Variants in ITGB3 observed in about 807,000 individuals in gnomAD.
ITGB3 encodes integrin beta-3.
A neutral mutation model predicts 85.8 loss-of-function variants in ITGB3; 48 were observed. The ratio of observed to expected loss-of-function variants is 0.56; its 90% CI spans 0.44 to 0.71. The LOEUF (loss-of-function observed/expected upper bound fraction) is 0.71. Ranked by LOEUF, ITGB3 falls within the 30% of genes least tolerant of loss-of-function variation. The pLI is 0.00. For synonymous variants in ITGB3, 363 were observed against 395.6 expected (o/e 0.92, Z 0.98); for missense variants, 861 against 1,019.1 (o/e 0.84, Z 2.11).
chr17:47,312,973 T>TGG lies in ITGB3; in HGVS notation c.*2770_*2771insGG, dbSNP rs2065221512. Among the ~76,000 whole-genome samples the TGG allele has an allele frequency of 6.6e-6, 1 of 152,134 alleles. No individual in the cohort carries two copies. Among genetic ancestry groups the TGG allele is most frequent in the Non-Finnish European group, 1.5e-5 (1 of 68,032 alleles). ...TTCTCTGAGATTCCCAGGTCATCCA[T>TGG]GATTTTTTTTTTAATTTGAGACAAA... On this transcript the variant is annotated 3_prime_UTR_variant, in exon 15 of 15. Coordinates refer to ENST00000559488, the MANE Select transcript of ITGB3 (RefSeq NM_000212.3).
In ITGB3 at chr17:47,310,317, G is replaced by A; in HGVS notation, c.*113G>A. ...GGGGAGGGATTTGGGGCTCAGAGTG[G>A]GGTAGGTTGGGAGAATGTCAGTATG... On this transcript the variant is annotated 3_prime_UTR_variant, in exon 15 of 15. Coordinates refer to ENST00000559488, the MANE Select transcript of ITGB3 (RefSeq NM_000212.3). The A allele has an allele frequency of 2.0e-6, 2 of 988,042 alleles. No individual in the cohort carries two copies. The highest frequency in any genetic ancestry group is 3.8e-5 in the Admixed American group (2 of 52,474). 61.2% of individuals were successfully genotyped at this position (988,042 alleles called of 1,614,324 possible). A position where few individuals can be genotyped will look rare whatever the true frequency, so the allele number is the denominator to read the frequency against.
chr17:47,298,612 T>C (rs2065154670), intron 10 of ITGB3, among the ~76,000 whole-genome samples: 1 of 152,222 alleles, frequency 6.6e-6, no homozygotes, highest in South Asian at 2.1e-4. Flanking sequence ...CTCAGAGCCC[T>C]GCTTCTCATC....
chr17:47,282,668 C>G, intron 2 of ITGB3, among the ~76,000 whole-genome samples: 1 of 152,138 alleles, frequency 6.6e-6, no homozygotes, highest in East Asian at 1.9e-4. Context: ...TGAGAGGGGC[C>G]AAGACACACA....
chr17:47,309,673 C>T (rs1276649535), intron 14 of ITGB3, among the ~76,000 whole-genome samples: 1 of 151,768 alleles, frequency 6.6e-6, no homozygotes, highest in East Asian at 1.9e-4. Flanking sequence ...GCAGGTGGAT[C>T]GCTTGAGCTC....
rs1041074589 is a variant in ITGB3 at position 47,261,954 on chromosome 17, A to C, written c.79+8014A>C. 4.6e-5 allele frequency among the ~76,000 whole-genome samples: 7 copies of C among 152,362 alleles called. No individual in the cohort carries two copies. In the East Asian group the frequency reaches 1.3e-3, roughly 29 times the overall value. On this transcript the variant is annotated intron_variant, in intron 1 of 14. Transcript: ENST00000559488. ...TGGATATATCAGAATTTACTTAACC[A>C]ATTCCCTGTTGGCAGACATTGGGAT...
intron 12 of ITGB3, among the ~76,000 whole-genome samples, chr17:47,302,310 G>A (rs1044809508): frequency 1.3e-5 from 2 of 152,044 alleles, no homozygotes; most frequent in Non-Finnish European, 2.9e-5. Context: ...TATATGTTAG[G>A]CACTGTTCAC....
chr17:47,271,234 A>AT (rs2065043286), intron 1 of ITGB3, among the ~76,000 whole-genome samples: 1 of 152,182 alleles, frequency 6.6e-6, no homozygotes, highest in South Asian at 2.1e-4. Context: ...CTCGATTAGG[A>AT]TGACAGTCTA....
At chr17:47,296,260 C>T (rs78489418) in intron 10 of ITGB3, among the ~76,000 whole-genome samples, 10,208 of 152,214 alleles carry the variant, frequency 0.067, 718 homozygotes, top group East Asian at 0.18. Context: ...GGGAAGCAGA[C>T]ATTTCTTTCC....
intron 1 of ITGB3, among the ~76,000 whole-genome samples, chr17:47,262,360 T>C (rs1455449093): frequency 6.6e-6 from 1 of 152,184 alleles, no homozygotes; most frequent in Non-Finnish European, 1.5e-5. Flanking sequence ...TTCTTCTGTA[T>C]ACTGAATGAG....
intron 13 of ITGB3, among the ~76,000 whole-genome samples, chr17:47,306,868 T>G (rs1434191812): frequency 6.6e-6 from 1 of 151,874 alleles, no homozygotes. Context: ...TTAGTAGAGA[T>G]GGGGTTTCAC....
chr17:47,258,386 G>A (rs2064997656), intron 1 of ITGB3, among the ~76,000 whole-genome samples: 1 of 152,022 alleles, frequency 6.6e-6, no homozygotes, highest in East Asian at 1.9e-4. Flanking sequence ...GCAAAAAAGT[G>A]ATAGCATCTG....
intron 11 of ITGB3, 138 bp from the exon 12 acceptor site, chr17:47,300,340 C>CGTGTGTGTGT (rs781123948): frequency 0.034 from 16,753 of 499,410 alleles, 152 homozygotes; most frequent in Middle Eastern, 0.073. Context: ...TACAGGCGCG[C>CGTGTGTGTGT]GCGCGCGTGT....
intron 1 of ITGB3, among the ~76,000 whole-genome samples, chr17:47,254,254 G>T (rs755334918): frequency 6.6e-6 from 1 of 152,066 alleles, no homozygotes; most frequent in Non-Finnish European, 1.5e-5. Context: ...GCGCTCACCC[G>T]GGGCTGCGCG....
At chr17:47,255,643 A>T (rs1216843294) in intron 1 of ITGB3, among the ~76,000 whole-genome samples, 1 of 151,044 alleles carries the variant, frequency 6.6e-6, no homozygotes, top group Admixed American at 6.6e-5. Flanking sequence ...GATGATCTCG[A>T]TCTCTTGACC....
chr17:47,254,533 A>G (rs1409584671), intron 1 of ITGB3, among the ~76,000 whole-genome samples: 1 of 152,062 alleles, frequency 6.6e-6, no homozygotes, highest in Non-Finnish European at 1.5e-5. Flanking sequence ...GTTTTGGAGC[A>G]GGATGAGGGC....
intron 10 of ITGB3, among the ~76,000 whole-genome samples, chr17:47,298,256 C>T (rs2065152953): frequency 6.6e-6 from 1 of 152,232 alleles, no homozygotes; most frequent in Non-Finnish European, 1.5e-5. Flanking sequence ...TAGTGATTGT[C>T]TCTACTGCTG....
intron 14 of ITGB3, 90 bp from the exon 15 acceptor site, chr17:47,310,049 T>C: frequency 8.9e-7 from 1 of 1,128,302 alleles, no homozygotes; most frequent in African/African-American, 1.5e-5. Context: ...AACGGTGCCT[T>C]GGGAAAACTT....
In ITGB3 at chr17:47,258,348, G is replaced by A. The variant is rs142778103; in HGVS notation, c.79+4408G>A. ...GCCTATTCCCCGTGTGGGAACTGCT[G>A]GCATTTATTGAAACGTGAGACTCTC... On this transcript the variant is annotated intron_variant, in intron 1 of 14. Coordinates refer to ENST00000559488, the MANE Select transcript of ITGB3 (RefSeq NM_000212.3). Among the ~76,000 whole-genome samples the A allele has an allele frequency of 2.2e-3, 338 of 152,216 alleles. 1 individual carries two copies. The highest frequency in any genetic ancestry group is 3.5e-3 in the Non-Finnish European group (239 of 68,008).
At chr17:47,290,893 T>A (rs1276702632) in intron 8 of ITGB3, 61 bp from the exon 9 acceptor site, 18 of 1,596,902 alleles carry the variant, frequency 1.1e-5, no homozygotes, top group Non-Finnish European at 1.5e-5. Context: ...GAACTGGCTC[T>A]TGCCATTTCC....
Sources: gnomAD v4.1 joint callset for allele counts (sites outside exome capture counted in the v4.1 genomes callset) on GRCh38, gnomAD v4.1.1 for gene constraint, MANE v1.5 for transcripts, NCBI Gene and HGNC (gene_info 2026-07-23, HGNC 2026-07-21) for gene names.